The following PDGFA variants were observed in gnomAD, a reference collection of about 807,000 sequenced individuals.
PDGFA encodes platelet-derived growth factor subunit A.
In PDGFA, 9 loss-of-function variants were observed where a neutral mutation model predicts 25.6. That is an observed-to-expected ratio of 0.35 (90% CI 0.21 to 0.61). The LOEUF (loss-of-function observed/expected upper bound fraction) is 0.61, where lower values mean the gene tolerates loss of function less well. Ranked by LOEUF, PDGFA falls within the 20% of genes least tolerant of loss-of-function variation. The pLI, the probability that PDGFA is intolerant of heterozygous loss-of-function variation, is 0.75. For synonymous variants in PDGFA, 133 were observed against 111.8 expected (o/e 1.19, Z -1.20); for missense variants, 242 against 272.8 (o/e 0.89, Z 0.79).
chr7:506,145 C>T (rs1250371482), intron 4 of PDGFA, among the ~76,000 whole-genome samples: 3 of 143,374 alleles, frequency 2.1e-5, no homozygotes, highest in Non-Finnish European at 4.5e-5. Context: ...CACTGCACTC[C>T]AGCCTGGGCA....
At chr7:507,829 G>C (rs974684576) in intron 4 of PDGFA, among the ~76,000 whole-genome samples, 15 of 152,198 alleles carry the variant, frequency 9.9e-5, no homozygotes, top group African/African-American at 2.9e-4. Context: ...ATGCCAGGGG[G>C]ACCCAGCCAC....
intron 4 of PDGFA, among the ~76,000 whole-genome samples, chr7:503,290 G>A (rs916229347): frequency 1.3e-5 from 2 of 152,114 alleles, no homozygotes; most frequent in Admixed American, 6.5e-5. Context: ...CTGTGCCCAC[G>A]GAACCAGCCC....
chr7:500,486 C>A lies in PDGFA; in HGVS notation c.580+630G>T, dbSNP rs757957328. 2 of 1,613,950 alleles carry A rather than the reference C, an allele frequency of 1.2e-6. No individual in the cohort carries two copies. The highest frequency in any genetic ancestry group is 3.3e-5 in the Admixed American group (2 of 60,010). On this transcript the variant is annotated intron_variant, in intron 5 of 5. Transcript: ENST00000402802. This position sits in a 1 kb window ranked among gnomAD's most constrained non-coding sequence, Gnocchi z 5.0. ...TTTTTCTTTTCCGTTTTTTACCTGA[C>A]TCCCTAGGCCTTCCTGTTAACAAAA...
chr7:508,209 CG>C (rs1448529489), intron 4 of PDGFA, among the ~76,000 whole-genome samples: 1 of 152,008 alleles, frequency 6.6e-6, no homozygotes, highest in Non-Finnish European at 1.5e-5. Context: ...CAGTGGGGGG[CG>C]GGGGTGTGAA....
At chr7:520,116 C>A (rs1446734512), upstream of PDGFA, 2 of 382,996 alleles carry the variant, frequency 5.2e-6, no homozygotes, top group Non-Finnish European at 1.0e-5. Flanking sequence ...GCTTGCCCAC[C>A]CTCCAGTGCC....
intron 3 of PDGFA, 135 bp downstream of exon 3, chr7:512,216 C>T (rs565883065): frequency 1.3e-5 from 10 of 789,494 alleles, no homozygotes; most frequent in East Asian, 1.1e-4. Flanking sequence ...GAGGAGGGAA[C>T]GGGTGGCTTG....
At chr7:514,922 G>A (rs909472397) in intron 2 of PDGFA, among the ~76,000 whole-genome samples, 1 of 152,184 alleles carries the variant, frequency 6.6e-6, no homozygotes, top group Non-Finnish European at 1.5e-5. Flanking sequence ...GGATGGTGAG[G>A]AATCCCACTA....
At chr7:505,906 G>T (rs1032516885) in intron 4 of PDGFA, among the ~76,000 whole-genome samples, 1 of 152,198 alleles carries the variant, frequency 6.6e-6, no homozygotes, top group South Asian at 2.1e-4. Context: ...GGGTGCGGTG[G>T]CTCACGCCTG....
chr7:510,873 G>T (rs1782797890), exon 4 of PDGFA: 1 of 1,611,828 alleles, frequency 6.2e-7, no homozygotes, highest in Non-Finnish European at 8.5e-7. Flanking sequence ...GCAGCAGCCG[G>T]TGCAGCGTTT....
At chr7:506,518 C>A (rs1416731293) in intron 4 of PDGFA, among the ~76,000 whole-genome samples, 1 of 152,106 alleles carries the variant, frequency 6.6e-6, no homozygotes, top group Non-Finnish European at 1.5e-5. Flanking sequence ...GGAGCAGAGG[C>A]CCATCCCAAG....
intron 2 of PDGFA, among the ~76,000 whole-genome samples, chr7:513,786 C>T (rs1479047322): frequency 6.6e-6 from 1 of 152,292 alleles, no homozygotes; most frequent in Non-Finnish European, 1.5e-5. Flanking sequence ...GAGGAGCCTG[C>T]GGATTTAAAA....
chr7:513,775 C>A (rs191814473), intron 2 of PDGFA, among the ~76,000 whole-genome samples: 20 of 152,300 alleles, frequency 1.3e-4, no homozygotes, highest in Non-Finnish European at 4.4e-5. Flanking sequence ...TCCGCACCCC[C>A]GAGGAGCCTG....
chr7:500,657 C>A lies in PDGFA; in HGVS notation c.580+459G>T. 6.8e-7 allele frequency: 1 copy of A among 1,470,206 alleles called. No individual in the cohort carries two copies. The highest frequency in any genetic ancestry group is 9.0e-7 in the Non-Finnish European group (1 of 1,116,764). 91.1% of individuals were successfully genotyped at this position (1,470,206 alleles called of 1,614,324 possible). On this transcript the variant is annotated intron_variant, in intron 5 of 5. Transcript: ENST00000402802. This position sits in a 1 kb window ranked among gnomAD's most constrained non-coding sequence, Gnocchi z 5.0. The stretch of plus-strand genomic sequence containing the variant: ...TCTGAGTCCCCTCATGCTCCCAGGG[C>A]CCAGCCATAGCAGGGCACAGAAGCC...
chr7:512,522 C>A (rs1202895704), intron 2 of PDGFA, 67 bp from the exon 3 acceptor site: 1 of 1,609,344 alleles, frequency 6.2e-7, no homozygotes, highest in Non-Finnish European at 8.5e-7. Context: ...CCTGTCCAGC[C>A]GCACTTCCCA....
exon 6 of PDGFA, chr7:498,099 C>G (rs1253455016): frequency 6.3e-6 from 1 of 157,590 alleles, no homozygotes; most frequent in Non-Finnish European, 1.4e-5. Flanking sequence ...ATTCCTGCTT[C>G]CTGCGGGCCC....
chr7:516,904 G>C (rs1562494003), intron 2 of PDGFA, among the ~76,000 whole-genome samples: 1 of 152,142 alleles, frequency 6.6e-6, no homozygotes, highest in Admixed American at 6.5e-5. Context: ...GCAAGAACGC[G>C]GCACCAGCTC....
At chr7:510,703 G>T in intron 4 of PDGFA, 106 bp downstream of exon 4, 1 of 499,140 alleles carries the variant, frequency 2.0e-6, no homozygotes, top group East Asian at 3.4e-5. Flanking sequence ...CCCGGGCTTG[G>T]GTGGGGAGGG....
At chr7:497,864 A>G (rs1468623866) in exon 6 of PDGFA, 1 of 72,582 alleles carries the variant, frequency 1.4e-5, no homozygotes, top group Non-Finnish European at 3.0e-5. Context: ...CATCCAAGAG[A>G]TAATTAAAAA....
intron 5 of PDGFA, among the ~76,000 whole-genome samples, chr7:499,029 A>ATCCCATGTG (rs1782211119): frequency 6.6e-6 from 1 of 152,212 alleles, no homozygotes; most frequent in Non-Finnish European, 1.5e-5. Context: ...TTTAAGAACA[A>ATCCCATGTG]TTCTTCCACA....
Sources: gnomAD v4.1 joint callset for allele counts (sites outside exome capture counted in the v4.1 genomes callset) on GRCh38, gnomAD v4.1.1 for gene constraint, Gnocchi (gnomAD v3.1) non-coding constraint, MANE v1.5 for transcripts, NCBI Gene and HGNC (gene_info 2026-07-23, HGNC 2026-07-21) for gene names.